SLC9A9: variants seen among roughly 807,000 people sequenced by gnomAD.
SLC9A9 encodes the protein sodium/hydrogen exchanger 9.
Under a neutral mutation model 77.8 loss-of-function variants are expected in SLC9A9, and 62 were observed. That is an observed-to-expected ratio of 0.80 (90% CI 0.65 to 0.98). SLC9A9 has a LOEUF of 0.98. Among genes scored for constraint, SLC9A9 ranks in the 50% least tolerant of loss-of-function variants. SLC9A9 has a pLI of 0.00. For synonymous variants in SLC9A9, 320 were observed against 283.5 expected (o/e 1.13, Z -1.29); for missense variants, 775 against 774.9 (o/e 1.00, Z 0.00).
chr3:143,804,055 C>T (rs927432691), intron 2 of SLC9A9, among the ~76,000 whole-genome samples: 9 of 152,152 alleles, frequency 5.9e-5, no homozygotes, highest in African/African-American at 2.2e-4. Flanking sequence ...TGTGGCCGCT[C>T]CTTTACGTAT....
chr3:143,351,555 T>TG (rs951121773), intron 14 of SLC9A9, among the ~76,000 whole-genome samples: 6 of 151,978 alleles, frequency 3.9e-5, no homozygotes, highest in South Asian at 2.1e-4. Flanking sequence ...TAGTTGATGG[T>TG]GGGGGGGAGT....
chr3:143,770,251 A>C (rs1443646804), intron 4 of SLC9A9, among the ~76,000 whole-genome samples: 1 of 152,176 alleles, frequency 6.6e-6, no homozygotes, highest in East Asian at 1.9e-4. Flanking sequence ...TCTTGGAAAA[A>C]AGGAAGAGAA....
intron 14 of SLC9A9, among the ~76,000 whole-genome samples, chr3:143,325,603 A>T (rs1460452574): frequency 2.0e-5 from 3 of 152,144 alleles, no homozygotes; most frequent in Non-Finnish European, 4.4e-5. Flanking sequence ...TAAGGGTGAG[A>T]GTGTTGTGCA....
chr3:143,652,166 G>T (rs893209900), intron 6 of SLC9A9, 89 bp downstream of exon 6: 6 of 1,052,094 alleles, frequency 5.7e-6, no homozygotes, highest in South Asian at 1.4e-5. Context: ...GCTAGAGACT[G>T]CCCGTATCTC....
intron 4 of SLC9A9, among the ~76,000 whole-genome samples, chr3:143,761,288 A>G (rs530931656): frequency 7.9e-5 from 12 of 152,366 alleles, no homozygotes; most frequent in African/African-American, 2.6e-4. Context: ...AGAGGCAAGG[A>G]CTTCATGTCT....
chr3:143,427,193 C>G (rs1444080021), intron 12 of SLC9A9, among the ~76,000 whole-genome samples: 3 of 152,130 alleles, frequency 2.0e-5, no homozygotes, highest in Non-Finnish European at 4.4e-5. Context: ...GTTAAAATGC[C>G]CAGAATATAT....
intron 12 of SLC9A9, among the ~76,000 whole-genome samples, chr3:143,426,952 C>T (rs919399259): frequency 2.6e-5 from 4 of 152,174 alleles, no homozygotes; most frequent in East Asian, 1.9e-4. Flanking sequence ...GATTCAAACA[C>T]GGGCAGCTGA....
chr3:143,447,496 T>C (rs1282395440), intron 12 of SLC9A9, among the ~76,000 whole-genome samples: 1 of 152,226 alleles, frequency 6.6e-6, no homozygotes, highest in Non-Finnish European at 1.5e-5. Flanking sequence ...ACAGGGCAAG[T>C]TGTTTTTTGC....
At chr3:143,617,464 G>C (rs187944233) in intron 6 of SLC9A9, among the ~76,000 whole-genome samples, 16 of 152,308 alleles carry the variant, frequency 1.1e-4, no homozygotes, top group Middle Eastern at 3.4e-3. Flanking sequence ...ATTGCACACT[G>C]GTGGCCCGTG....
At chr3:143,393,777 C>T (rs964591547) in intron 12 of SLC9A9, among the ~76,000 whole-genome samples, 17 of 150,848 alleles carry the variant, frequency 1.1e-4, no homozygotes, top group African/African-American at 2.4e-4. Context: ...ATATCACCAC[C>T]GATCCCACAG....
chr3:143,703,943 C>T (rs1436749073), intron 4 of SLC9A9, among the ~76,000 whole-genome samples: 1 of 152,022 alleles, frequency 6.6e-6, no homozygotes. Context: ...AACTATATGG[C>T]AATAAATTGG....
chr3:143,588,493 C>T (rs1469969653), intron 6 of SLC9A9, among the ~76,000 whole-genome samples: 1 of 152,118 alleles, frequency 6.6e-6, no homozygotes, highest in East Asian at 1.9e-4. Context: ...TGGCTCTGGT[C>T]CATTAAGTTC....
chr3:143,358,020 CTTTCCT>C (rs1399626571), intron 14 of SLC9A9, among the ~76,000 whole-genome samples: 2 of 111,084 alleles, frequency 1.8e-5, no homozygotes, highest in African/African-American at 8.8e-5. Flanking sequence ...GAAGGTTTTT[CTTTCCT>C]TTTTTTTTTT....
At chr3:143,831,120 A>T (rs1239301486) in intron 2 of SLC9A9, among the ~76,000 whole-genome samples, 1 of 152,178 alleles carries the variant, frequency 6.6e-6, no homozygotes, top group Non-Finnish European at 1.5e-5. Flanking sequence ...AATGGAAAAA[A>T]AAAGGTGTGT....
intron 9 of SLC9A9, among the ~76,000 whole-genome samples, chr3:143,532,572 C>A (rs774463756): frequency 3.9e-5 from 6 of 152,016 alleles, no homozygotes; most frequent in Non-Finnish European, 8.8e-5. Context: ...TTTTGTACCA[C>A]GAATTTTTAT....
intron 7 of SLC9A9, among the ~76,000 whole-genome samples, chr3:143,578,224 T>G (rs1269649611): frequency 1.3e-5 from 2 of 152,214 alleles, no homozygotes; most frequent in Non-Finnish European, 2.9e-5. Flanking sequence ...AATTGTCTTA[T>G]TCTTGACCCT....
intron 2 of SLC9A9, among the ~76,000 whole-genome samples, chr3:143,818,716 C>A (rs1042960514): frequency 1.3e-5 from 2 of 149,704 alleles, no homozygotes; most frequent in African/African-American, 4.9e-5. Flanking sequence ...TTTCACTTTT[C>A]AAAAATTACT....
At chr3:143,440,066 T>C (rs2034699844) in intron 12 of SLC9A9, among the ~76,000 whole-genome samples, 1 of 152,214 alleles carries the variant, frequency 6.6e-6, no homozygotes, top group South Asian at 2.1e-4. Context: ...TTAAACCACA[T>C]TCAAACTGTG....
At chr3:143,466,406 G>C (rs527717078) in intron 12 of SLC9A9, among the ~76,000 whole-genome samples, 83 of 152,282 alleles carry the variant, frequency 5.5e-4, no homozygotes, top group African/African-American at 1.9e-3. Flanking sequence ...CCAGCTACCC[G>C]TTTCTGTCAA....
Sources: gnomAD v4.1 joint callset for allele counts (sites outside exome capture counted in the v4.1 genomes callset) on GRCh38, gnomAD v4.1.1 for gene constraint, MANE v1.5 for transcripts, NCBI Gene and HGNC (gene_info 2026-07-23, HGNC 2026-07-21) for gene names.